Variants in STIL observed in about 807,000 individuals in gnomAD.
The protein encoded by STIL is SCL-interrupting locus protein.
In STIL, 55 loss-of-function variants were observed where a neutral mutation model predicts 110.1. The ratio of observed to expected loss-of-function variants is 0.50; its 90% confidence interval spans 0.40 to 0.63. The LOEUF (loss-of-function observed/expected upper bound fraction) is 0.63. Ranked by LOEUF, STIL falls within the 20% of genes least tolerant of loss-of-function variation. The pLI is 0.00. For synonymous variants in STIL, 481 were observed against 530.0 expected (o/e 0.91, Z 1.27); for missense variants, 1,358 against 1,530.0 (o/e 0.89, Z 1.87).
At chr1:47,275,189 G>A (rs74965392) in intron 12 of STIL, among the ~76,000 whole-genome samples, 1,942 of 150,778 alleles carry the variant, frequency 0.013, 41 homozygotes, top group African/African-American at 0.044. Context: ...TAAATCATTC[G>A]TAAAAAGATA....
intron 4 of STIL, among the ~76,000 whole-genome samples, chr1:47,302,020 T>C (rs111860287): frequency 4.0e-4 from 61 of 152,282 alleles, no homozygotes; most frequent in Admixed American, 1.6e-3. Context: ...GCAAAGAAAA[T>C]TAGCGCAAAG....
chr1:47,269,352 A>G (rs1644751673), intron 14 of STIL, among the ~76,000 whole-genome samples: 1 of 152,034 alleles, frequency 6.6e-6, no homozygotes, highest in Non-Finnish European at 1.5e-5. Context: ...AAGACTTTAA[A>G]GAAATTAGAA....
rs147160336 is a variant in STIL at position 47,302,272 on chromosome 1, G to A, written c.227C>T (p.Ser76Leu). Residue 76 changes from serine (S) to leucine (L), a missense_variant, in exon 4 of 17, where the codon TCG becomes TTG. By Grantham distance (145) the Ser-to-Leu change is moderately radical. Transcript: ENST00000371877. The part of the protein sequence containing the change: ...YRHAKQNKKN[S>L]SCFLLGSLTA... ...CAGAGAACCAAGTAAAAAGCATGAC[G>A]AATTTTTTTTATTCTGCTTAGCATG... The A allele has an allele frequency of 2.3e-4, 371 of 1,613,820 alleles. No homozygotes were observed. Among genetic ancestry groups the A allele is most frequent in the Non-Finnish European group, 2.8e-4 (336 of 1,179,950 alleles).
intron 14 of STIL, among the ~76,000 whole-genome samples, chr1:47,264,810 A>C (rs572779475): frequency 6.6e-6 from 1 of 152,158 alleles, no homozygotes; most frequent in South Asian, 2.1e-4. Context: ...AACCCAAATC[A>C]ATGCTGAGCA....
At chr1:47,307,032 T>G (rs956732401) in intron 2 of STIL, among the ~76,000 whole-genome samples, 2 of 152,084 alleles carry the variant, frequency 1.3e-5, no homozygotes, top group Non-Finnish European at 2.9e-5. Context: ...GCGCCTCTGG[T>G]CCCAGCTAGT....
intron 7 of STIL, among the ~76,000 whole-genome samples, chr1:47,294,243 T>C (rs1463663335): frequency 6.6e-6 from 1 of 152,198 alleles, no homozygotes; most frequent in Non-Finnish European, 1.5e-5. Flanking sequence ...TTACAAATAC[T>C]AAGTGTTCAC....
rs565427655 is a variant in STIL at position 47,300,710 on chromosome 1, C to T, written c.454-558G>A. ...TCTTGAACTCCTCCTGATCAGCCCA[C>T]CTCAGCCTCTCAAAGTGCTGGGATT... On this transcript the variant is annotated intron_variant, in intron 5 of 16. Coordinates refer to ENST00000371877, the MANE Select transcript of STIL (RefSeq NM_001048166.1). Among the ~76,000 whole-genome samples, 7 of 152,322 alleles carry T rather than the reference C, an allele frequency of 4.6e-5. No individual in the cohort carries two copies. The South Asian group carries it at 1.4e-3, about 32-fold the overall frequency.
intron 6 of STIL, among the ~76,000 whole-genome samples, chr1:47,298,935 G>A (rs1022258913): frequency 4.0e-5 from 6 of 151,886 alleles, no homozygotes; most frequent in Non-Finnish European, 7.4e-5. Context: ...ATTTTTAGTA[G>A]AGATGGAGTT....
intron 12 of STIL, 73 bp downstream of exon 12, chr1:47,280,168 T>C (rs2148968548): frequency 6.3e-7 from 1 of 1,588,162 alleles, no homozygotes; most frequent in Non-Finnish European, 8.6e-7. Context: ...ACATCATTAC[T>C]GAGGAGAGGT....
Position 47,302,273 on chromosome 1 carries a change from A to C in STIL, c.226T>G (p.Ser76Ala), listed in dbSNP as rs755046120. The change falls in exon 4 of 17, where the codon TCG becomes GCG. Residue 76 changes from serine (S) to alanine (A), a missense_variant. Transcript: ENST00000371877. The part of the protein sequence containing the change: ...YRHAKQNKKN[S>A]SCFLLGSLTA... ...AGAGAACCAAGTAAAAAGCATGACG[A>C]ATTTTTTTTATTCTGCTTAGCATGA... 6.2e-7 allele frequency: 1 copy of C among 1,614,036 alleles called. No homozygotes were observed.
intron 2 of STIL, 132 bp from the exon 3 acceptor site, chr1:47,305,128 T>A (rs1259382020): frequency 4.4e-6 from 3 of 682,060 alleles, no homozygotes; most frequent in Non-Finnish European, 7.6e-6. Flanking sequence ...AGAGTTTATA[T>A]ATATATATTT....
At chr1:47,308,163 C>G (rs1370324903) in intron 2 of STIL, among the ~76,000 whole-genome samples, 1 of 152,112 alleles carries the variant, frequency 6.6e-6, no homozygotes, top group Non-Finnish European at 1.5e-5. Context: ...TCACCCACAC[C>G]TATTCGCACA....
At chr1:47,254,352 T>G (rs1644270186) in intron 16 of STIL, among the ~76,000 whole-genome samples, 1 of 152,168 alleles carries the variant, frequency 6.6e-6, no homozygotes, top group African/African-American at 2.4e-5. Context: ...AAAGAGATAC[T>G]ACTAATTTAT....
At chr1:47,302,036 A>G (rs1259302275) in intron 4 of STIL, among the ~76,000 whole-genome samples, 198 bp downstream of exon 4, 1 of 152,238 alleles carries the variant, frequency 6.6e-6, no homozygotes, top group Non-Finnish European at 1.5e-5. Flanking sequence ...CAAAGCAAAT[A>G]CAATAGTTGG....
rs761868286 is a variant in STIL at position 47,260,392 on chromosome 1, C to A, written c.2977G>T (p.Asp993Tyr). 1.2e-6 allele frequency: 2 copies of A among 1,614,160 alleles called. No individual in the cohort carries two copies. The change falls in exon 16 of 17, where the codon GAT becomes TAT. Residue 993 changes from aspartate to tyrosine, a missense_variant. Transcript: ENST00000371877. ...KTHHSRLVDK[D>Y]CVLNATLKQL... ...TTAAGAGTTGCATTAAGGACACAAT[C>A]TTTGTCCACCAGTCTTGAATGATGT...
chr1:47,274,634 A>G (rs1051333089), intron 12 of STIL, among the ~76,000 whole-genome samples: 4 of 149,580 alleles, frequency 2.7e-5, no homozygotes, highest in African/African-American at 7.4e-5. Context: ...CAGAACTTTT[A>G]GGGATCATTT....
chr1:47,263,145 T>C lies in STIL; in HGVS notation c.2616-29A>G, dbSNP rs759050586. 5.0e-6 allele frequency: 8 copies of C among 1,587,272 alleles called. No individual in the cohort carries two copies. The East Asian group carries it at 1.1e-4, about 22-fold the overall frequency. ...GGAAGGATATATAATGTGTTAGTCA[T>C]TGAGGTACCTTTAACATATAATTGA... On this transcript the variant is annotated intron_variant, in intron 14 of 16. Coordinates refer to ENST00000371877, the MANE Select transcript of STIL (RefSeq NM_001048166.1).
intron 15 of STIL, among the ~76,000 whole-genome samples, chr1:47,260,905 A>G (rs1461459189): frequency 6.6e-6 from 1 of 152,206 alleles, no homozygotes; most frequent in Non-Finnish European, 1.5e-5. Context: ...ACAATTTTAC[A>G]GTAAGACCTT....
At position 47,292,723 on chromosome 1, in the gene STIL, A is replaced by G. The variant is rs538424951; in HGVS notation, c.872+735T>C. On this transcript the variant is annotated intron_variant, in intron 8 of 16. Coordinates refer to ENST00000371877, the MANE Select transcript of STIL (RefSeq NM_001048166.1). Reference sequence around the variant, plus strand: ...GACTATTTCAGGAAGGAAGCACAAGATATCACTTTACAGTGATTGCCTCTG... The same window carrying G: ...GACTATTTCAGGAAGGAAGCACAAGGTATCACTTTACAGTGATTGCCTCTG... Among the ~76,000 whole-genome samples, 113 of 152,354 alleles carry G rather than the reference A, an allele frequency of 7.4e-4. 1 individual carries two copies. The highest frequency in any genetic ancestry group is 2.6e-3 in the African/African-American group (108 of 41,592).
Sources: allele counts gnomAD v4.1 joint callset (sites outside exome capture counted in the v4.1 genomes callset), GRCh38; gene constraint gnomAD v4.1.1; transcripts MANE v1.5; gene names NCBI Gene and HGNC (gene_info 2026-07-23, HGNC 2026-07-21).